The following TNXB variants were observed in gnomAD, a reference collection of about 807,000 sequenced individuals.
TNXB encodes tenascin XB.
TNXB carries 183 observed loss-of-function variants against 340.5 expected under a neutral mutation model. The ratio of observed to expected loss-of-function variants is 0.54; its 90% CI spans 0.48 to 0.61. The LOEUF is 0.61. Among genes scored for constraint, TNXB ranks in the 20% least tolerant of loss-of-function variants. The pLI is 0.00. For missense variants in TNXB, 4,613 were observed against 5,446.4 expected (o/e 0.85, Z 4.82); for synonymous variants, 2,121 against 2,314.5 (o/e 0.92, Z 2.40).
At position 32,064,465 on chromosome 6, in the gene TNXB, C is replaced by T. The variant is rs1250771206; in HGVS notation, c.6841+356G>A. On this transcript the variant is annotated intron_variant, in intron 19 of 43. Coordinates refer to ENST00000644971, the MANE Select transcript of TNXB (RefSeq NM_001365276.2). The surrounding 1 kb of genome is among the most constrained non-coding windows in gnomAD (Gnocchi z 5.3). ...CTGACCTCAAGTGATCTGCCCCCTT[C>T]GGCCTCCCAAAGTGCTGGGATTACA... Among the ~76,000 whole-genome samples, 2 of 152,152 alleles carry T rather than the reference C, an allele frequency of 1.3e-5. No homozygotes were observed. The highest frequency in any genetic ancestry group is 2.9e-5 in the Non-Finnish European group (2 of 68,024).
chr6:32,060,332 CAA>C (rs9279480), intron 21 of TNXB, among the ~76,000 whole-genome samples: 2 of 129,340 alleles, frequency 1.5e-5, no homozygotes, highest in Admixed American at 7.8e-5. Flanking sequence ...AACTTCATCT[CAA>C]AAAAAAAAAA....
intron 24 of TNXB, among the ~76,000 whole-genome samples, chr6:32,055,188 C>T (rs898028360): frequency 6.6e-5 from 10 of 152,190 alleles, no homozygotes; most frequent in Non-Finnish European, 8.8e-5. Flanking sequence ...TCCTTAAATG[C>T]TTTCCTAAAA....
intron 35 of TNXB, 47 bp downstream of exon 35, chr6:32,043,702 C>T (rs556525442): frequency 2.9e-5 from 46 of 1,613,326 alleles, no homozygotes; most frequent in East Asian, 4.5e-5. Context: ...CCACCCATGC[C>T]GTTTTCTTGG....
At chr6:32,078,096 A>AAAGAAAGG (rs1274668516) in intron 11 of TNXB, among the ~76,000 whole-genome samples, 5 of 136,672 alleles carry the variant, frequency 3.7e-5, no homozygotes, top group Non-Finnish European at 7.7e-5. Context: ...AGAAAGAAAG[A>AAAGAAAGG]AAGAAAGAAA....
Position 32,043,246 on chromosome 6 carries a change from T to C in TNXB, c.11723A>G (p.Asn3908Ser). Reference protein sequence around the residue: ...YPLHDLVLHTNYTATVRGLRG... With the variant: ...YPLHDLVLHTSYTATVRGLRG... ...CAGGCCACGCACTGTGGCGGTGTAGTTGGTGTGGAGGACAAGGTCATGCAG... is the reference window on the plus strand; with the variant it reads ...CAGGCCACGCACTGTGGCGGTGTAGCTGGTGTGGAGGACAAGGTCATGCAG... The change falls in exon 37 of 44, where the codon AAC (asparagine) becomes AGC (serine). Residue 3908 changes from asparagine to serine, a missense_variant. Around this residue, in one of 7 missense-constraint regions of TNXB, gnomAD observed 114 missense variants for 104.5 expected, o/e 1.09. Transcript: ENST00000644971. 1.1e-5 allele frequency: 3 copies of C among 271,446 alleles called. No individual in the cohort carries two copies. The highest frequency in any genetic ancestry group is 1.9e-5 in the Non-Finnish European group (3 of 157,544). 16.8% of individuals were successfully genotyped at this position (271,446 alleles called of 1,614,324 possible). A position where few individuals can be genotyped will look rare whatever the true frequency, so the allele number is the denominator to read the frequency against.
chr6:32,080,197 C>CT lies in TNXB; in HGVS notation c.4043-833dup, dbSNP rs1276101796. Among the ~76,000 whole-genome samples the CT allele has an allele frequency of 1.6e-5, 2 of 128,188 alleles. No homozygotes were observed. Among genetic ancestry groups the CT allele is most frequent in the Non-Finnish European group, 3.2e-5 (2 of 62,226 alleles). The allele number at this position is 128,188 out of a possible 152,430, so 84.1% of individuals were successfully genotyped here. ...CCAAGCACTATTCTAAGTGTGTGGG[C>CT]TTTTTTTGTTTTTGTTTTTGTTTTT... On this transcript the variant is annotated intron_variant, in intron 10 of 43. Coordinates refer to ENST00000644971, the MANE Select transcript of TNXB (RefSeq NM_001365276.2). This position sits in a 1 kb window ranked among gnomAD's most constrained non-coding sequence, Gnocchi z 4.3.
rs1279519214 is a variant in TNXB at position 32,052,063 on chromosome 6, C to T, written c.9115+607G>A. Among the ~76,000 whole-genome samples, 1 of 152,032 alleles carries T rather than the reference C, an allele frequency of 6.6e-6. No individual in the cohort carries two copies. Among genetic ancestry groups the T allele is most frequent in the Non-Finnish European group, 1.5e-5 (1 of 68,014 alleles). On this transcript the variant is annotated intron_variant, in intron 26 of 43. Transcript: ENST00000644971. This position sits in a 1 kb window ranked among gnomAD's most constrained non-coding sequence, Gnocchi z 4.7. The stretch of plus-strand genomic sequence containing the variant: ...GCAAACTAGAAAGCGATTAGAATGG[C>T]GAATTATGTCAAGTGTACTTTACTA...
chr6:32,057,396 C>T (rs1057109195), intron 22 of TNXB, among the ~76,000 whole-genome samples: 1 of 152,194 alleles, frequency 6.6e-6, no homozygotes, highest in African/African-American at 2.4e-5. Context: ...CTCCAGTCCC[C>T]GATCCTAGTT....
Position 32,070,413 on chromosome 6 carries a change from A to C in TNXB, c.4992T>G (p.Val1664=). 6.3e-7 allele frequency: 1 copy of C among 1,585,720 alleles called. No homozygotes were observed. Among genetic ancestry groups the C allele is most frequent in the South Asian group, 1.1e-5 (1 of 88,390 alleles). ...RSPVSVEAKT[V]ARGDASPGAP... ...CCCCTGGGCTGGCGTCACCTCGGGC[A>C]ACTGGAGAGGAAAGGTTCTTGTGTT... is the stretch of plus-strand genomic sequence containing the variant. The change falls in exon 14 of 44, where the codon GTT becomes GTG. Residue 1664 remains valine, a splice_region_variant and synonymous_variant. Coordinates refer to ENST00000644971, the MANE Select transcript of TNXB (RefSeq NM_001365276.2). This position sits in a 1 kb window ranked among gnomAD's most constrained non-coding sequence, Gnocchi z 6.0.
intron 22 of TNXB, among the ~76,000 whole-genome samples, chr6:32,057,359 A>G (rs1185955296): frequency 2.0e-5 from 3 of 152,028 alleles, no homozygotes; most frequent in Non-Finnish European, 4.4e-5. Flanking sequence ...TTTACCCTGA[A>G]TTCCCCTGGA....
In TNXB at chr6:32,050,517, A is replaced by T. The variant is rs1283423895; in HGVS notation, c.9116-196T>A. Among the ~76,000 whole-genome samples, 12 of 35,308 alleles carry T rather than the reference A, an allele frequency of 3.4e-4. No individual in the cohort carries two copies. The East Asian group carries it at 7.4e-3, about 22-fold the overall frequency. The allele number at this position is 35,308 out of a possible 152,430, so 23.2% of individuals were successfully genotyped here. A position where few individuals can be genotyped will look rare whatever the true frequency, so the allele number is the denominator to read the frequency against. On this transcript the variant is annotated intron_variant, in intron 26 of 43. Transcript: ENST00000644971. ...CCCCCCTGCCCTCGGCCCCCACCTC[A>T]CCCCCACCTCCCAACACCCAGGCCA...
At chr6:32,065,624 T>C (rs1020588359) in intron 18 of TNXB, among the ~76,000 whole-genome samples, 1 of 152,096 alleles carries the variant, frequency 6.6e-6, no homozygotes, top group Non-Finnish European at 1.5e-5. Context: ...TTATTATTTA[T>C]TTATTTATTT....
At position 32,074,971 on chromosome 6, in the gene TNXB, C is replaced by T. The variant is rs562215114; in HGVS notation, c.4376-1019G>A. Among the ~76,000 whole-genome samples, 14 of 152,356 alleles carry T rather than the reference C, an allele frequency of 9.2e-5. No individual in the cohort carries two copies. The highest frequency in any genetic ancestry group is 1.3e-4 in the Admixed American group (2 of 15,306). Reference sequence around the variant, plus strand: ...CTGGGATTACAGGCATGATCCTCCACGCCTGACCAGGATTACAACTTCATT... The same window carrying T: ...CTGGGATTACAGGCATGATCCTCCATGCCTGACCAGGATTACAACTTCATT... On this transcript the variant is annotated intron_variant, in intron 11 of 43. Coordinates refer to ENST00000644971, the MANE Select transcript of TNXB (RefSeq NM_001365276.2). The surrounding 1 kb of genome is among the most constrained non-coding windows in gnomAD (Gnocchi z 5.5).
Position 32,096,365 on chromosome 6 carries a change from G to A in TNXB, c.1488C>T (p.Ala496=), listed in dbSNP as rs1680033994. ...CGCGCCCGCGACAGTCGCCAGGACA[G>A]GCGCGCGTGCCGCAGTCCCGGCCTG... ...GYTGRDCGTR[A]CPGDCRGRGR... is the part of the protein sequence containing the mutation. Residue 496 remains alanine, a synonymous_variant, in exon 3 of 44, where the codon GCC becomes GCT. Transcript: ENST00000644971. The A allele has an allele frequency of 1.3e-6, 2 of 1,555,342 alleles. No homozygotes were observed. Among genetic ancestry groups the A allele is most frequent in the Non-Finnish European group, 1.7e-6 (2 of 1,157,478 alleles).
In TNXB at chr6:32,074,907, C is replaced by T. The variant is rs546147355; in HGVS notation, c.4376-955G>A. Among the ~76,000 whole-genome samples the T allele has an allele frequency of 6.6e-6, 1 of 152,200 alleles. No homozygotes were observed. Among genetic ancestry groups the T allele is most frequent in the African/African-American group, 2.4e-5 (1 of 41,538 alleles). On this transcript the variant is annotated intron_variant, in intron 11 of 43. Transcript: ENST00000644971. This position sits in a 1 kb window ranked among gnomAD's most constrained non-coding sequence, Gnocchi z 5.5. The stretch of plus-strand genomic sequence containing the variant: ...GTTAGTCAGGTTGGTCTTGAACTCC[C>T]GACCTCAGGTGATCCGCCCGCCTCG...
rs1343962103 is a variant in TNXB at position 32,074,166 on chromosome 6, G to A, written c.4376-214C>T. On this transcript the variant is annotated intron_variant, in intron 11 of 43. Coordinates refer to ENST00000644971, the MANE Select transcript of TNXB (RefSeq NM_001365276.2). This position sits in a 1 kb window ranked among gnomAD's most constrained non-coding sequence, Gnocchi z 5.5. ...CAAGTAGCTGGGACTACAGGCGTGCGCCACCATGCCTGCCTAATTTTGTGT... is the reference window on the plus strand; with the variant it reads ...CAAGTAGCTGGGACTACAGGCGTGCACCACCATGCCTGCCTAATTTTGTGT... Among the ~76,000 whole-genome samples the A allele has an allele frequency of 3.9e-5, 6 of 152,092 alleles. No individual in the cohort carries two copies. The highest frequency in any genetic ancestry group is 4.8e-5 in the African/African-American group (2 of 41,416).
rs200580526 is a variant in TNXB at position 32,047,907 on chromosome 6, G to C, written c.10151C>G (p.Ser3384Cys). The C allele has an allele frequency of 1.0e-4, 161 of 1,612,716 alleles. No homozygotes were observed. The African/African-American group carries it at 1.7e-3, about 17-fold the overall frequency. ...SWTVPEGEFDSFVVQYKDKDG... is the reference protein window; with the variant it reads ...SWTVPEGEFDCFVVQYKDKDG... ...CTTATCCTTGTACTGGACCACGAAGGAGTCGAATTCGCCCTCAGGGACCGT... is the reference window on the plus strand; with the variant it reads ...CTTATCCTTGTACTGGACCACGAAGCAGTCGAATTCGCCCTCAGGGACCGT... The change falls in exon 30 of 44, where the codon TCC (serine) becomes TGC (cysteine). Residue 3384 changes from serine to cysteine, a missense_variant. This residue lies in a region of TNXB where 4,327 missense variants were observed against 4,859.4 expected (regional missense o/e 0.89). Coordinates refer to ENST00000644971, the MANE Select transcript of TNXB (RefSeq NM_001365276.2). This position sits in a 1 kb window ranked among gnomAD's most constrained non-coding sequence, Gnocchi z 6.2.
chr6:32,077,129 C>A (rs960668496), intron 11 of TNXB, among the ~76,000 whole-genome samples: 45 of 152,234 alleles, frequency 3.0e-4, no homozygotes, highest in African/African-American at 1.1e-3. Context: ...ATCCTTACCC[C>A]AGGGACCAGG....
chr6:32,081,973 T>G lies in TNXB; in HGVS notation c.3736+63A>C. On this transcript the variant is annotated intron_variant, in intron 9 of 43. Coordinates refer to ENST00000644971, the MANE Select transcript of TNXB (RefSeq NM_001365276.2). This position sits in a 1 kb window ranked among gnomAD's most constrained non-coding sequence, Gnocchi z 5.1. ...TGGGGGACCCCAGCTGGTTTTGGGC[T>G]GAAGGGAAGTGTGCATGGGGCTGAG... 6.7e-7 allele frequency: 1 copy of G among 1,501,020 alleles called. No individual in the cohort carries two copies. The highest frequency in any genetic ancestry group is 2.4e-5 in the East Asian group (1 of 41,692). 93.0% of individuals were successfully genotyped at this position (1,501,020 alleles called of 1,614,324 possible).
Sources: gnomAD v4.1 joint callset for allele counts (sites outside exome capture counted in the v4.1 genomes callset) on GRCh38, gnomAD v4.1.1 for gene constraint, gnomAD v4.1.1 regional missense constraint, Gnocchi (gnomAD v3.1) non-coding constraint, MANE v1.5 for transcripts, NCBI Gene and HGNC (gene_info 2026-07-23, HGNC 2026-07-21) for gene names.